The following ZDHHC1 variants were observed in gnomAD, a reference collection of about 807,000 sequenced individuals.
ZDHHC1 encodes the protein zDHHC palmitoyltransferase 1, also known as palmitoyltransferase ZDHHC1.
ZDHHC1 carries 45 observed loss-of-function variants against 46.9 expected under a neutral mutation model. The observed-to-expected ratio is 0.96, with a 90% CI of 0.76 to 1.23. The LOEUF is 1.23. Among genes scored for constraint, ZDHHC1 ranks in the 50% most tolerant of loss-of-function variants. ZDHHC1 has a pLI of 0.00. For missense variants in ZDHHC1, 649 were observed against 670.8 expected (o/e 0.97, Z 0.36); for synonymous variants, 291 against 286.0 (o/e 1.02, Z -0.18).
intron 2 of ZDHHC1, among the ~76,000 whole-genome samples, chr16:67,407,130 G>A (rs1229543332): frequency 6.6e-6 from 1 of 152,238 alleles, no homozygotes; most frequent in East Asian, 1.9e-4. Flanking sequence ...GTTTTGTACA[G>A]AAAGGTGGGC....
chr16:67,398,974 C>G, intron 5 of ZDHHC1, 30 bp from the exon 6 acceptor site: 1 of 1,606,202 alleles, frequency 6.2e-7, no homozygotes, highest in Non-Finnish European at 8.5e-7. Context: ...GCTGTCAGCT[C>G]CCCGGAGCTC....
At chr16:67,413,196 T>C (rs955072906) in intron 1 of ZDHHC1, among the ~76,000 whole-genome samples, 1 of 152,050 alleles carries the variant, frequency 6.6e-6, no homozygotes, top group African/African-American at 2.4e-5. Flanking sequence ...CCTCCCACCT[T>C]GGCCTCCCAA....
chr16:67,399,213 TG>T, intron 5 of ZDHHC1, 141 bp downstream of exon 5: 1 of 838,034 alleles, frequency 1.2e-6, no homozygotes, highest in Non-Finnish European at 1.8e-6. Context: ...TCACTCTCTC[TG>T]GGCAGCACCC....
At chr16:67,397,356 TG>T (rs1312889569) in intron 8 of ZDHHC1, among the ~76,000 whole-genome samples, 1 of 152,186 alleles carries the variant, frequency 6.6e-6, no homozygotes, top group Non-Finnish European at 1.5e-5. Context: ...AGCCCAGCAC[TG>T]GGGCAGGTAT....
rs2040558513 is a variant in ZDHHC1 at position 67,401,840 on chromosome 16, AT to A, written c.253-709del. On this transcript the variant is annotated intron_variant, in intron 3 of 11. Transcript: ENST00000565726. The surrounding 1 kb of genome is among the most constrained non-coding windows in gnomAD (Gnocchi z 4.6). Reference sequence around the variant, plus strand: ...AATGCAGGAGACAAGTTTGCTGACAATTTGCTACAAAGTCTGATGTTTAAAA... The same window carrying A: ...AATGCAGGAGACAAGTTTGCTGACAATTGCTACAAAGTCTGATGTTTAAAA... Among the ~76,000 whole-genome samples the A allele has an allele frequency of 6.6e-6, 1 of 152,174 alleles. No individual in the cohort carries two copies. Among genetic ancestry groups the A allele is most frequent in the South Asian group, 2.1e-4 (1 of 4,830 alleles).
rs1014492378 is a variant in ZDHHC1 at position 67,398,838 on chromosome 16, T to C, written c.637A>G (p.Thr213Ala). Residue 213 changes from threonine to alanine, a missense_variant, in exon 6 of 12, where the codon ACC (threonine) becomes GCC (alanine). Physicochemically the swap from Thr to Ala is moderately conservative, Grantham distance 58. Coordinates refer to ENST00000565726, the MANE Select transcript of ZDHHC1 (RefSeq NM_001323627.2). ...AACTGACCTTCAAAGTGTCGGTTGG[T>C]GCGCAGACGCATGGGGTTGACAAAG... ...EFFVNPMRLRTNRHFEVLKNH... is the reference protein window; with the variant it reads ...EFFVNPMRLRANRHFEVLKNH... 6.2e-7 allele frequency: 1 copy of C among 1,612,770 alleles called. No individual in the cohort carries two copies. Among genetic ancestry groups the C allele is most frequent in the African/African-American group, 1.3e-5 (1 of 75,030 alleles).
At position 67,414,179 on chromosome 16, in the gene ZDHHC1, C is replaced by G. The variant is rs146324318; in HGVS notation, c.-39+1992G>C. The stretch of plus-strand genomic sequence containing the variant: ...AGGTTATTGACTTTAACCAGGAAAT[C>G]AACTCATGACTGCAGGAGCCAGCCT... On this transcript the variant is annotated intron_variant, in intron 1 of 11. Transcript: ENST00000565726. 8.5e-5 allele frequency among the ~76,000 whole-genome samples: 13 copies of G among 152,256 alleles called. No individual in the cohort carries two copies. The East Asian group carries it at 2.5e-3, about 29-fold the overall frequency.
At position 67,398,681 on chromosome 16, in the gene ZDHHC1, CG is replaced by C; in HGVS notation, c.705del (p.Val236TrpfsTer99). ...DVWFVFLPAA[P>X]VETQAPAILA... The stretch of plus-strand genomic sequence containing the variant: ...AGGATGGCAGGGGCCTGGGTCTCCA[CG>C]GGGGCGGCAGGCAGGAACACGAACC... On this transcript the variant is annotated frameshift_variant, in exon 7 of 12. Coordinates refer to ENST00000565726, the MANE Select transcript of ZDHHC1 (RefSeq NM_001323627.2). LOFTEE classifies it high-confidence loss of function. 4 of 1,607,824 alleles carry C rather than the reference CG, an allele frequency of 2.5e-6. No homozygotes were observed. Among genetic ancestry groups the C allele is most frequent in the Non-Finnish European group, 3.4e-6 (4 of 1,177,980 alleles).
At chr16:67,413,660 T>C (rs911431289) in intron 1 of ZDHHC1, among the ~76,000 whole-genome samples, 5 of 152,148 alleles carry the variant, frequency 3.3e-5, no homozygotes, top group Admixed American at 2.0e-4. Context: ...CTGATGCTGG[T>C]TGGACCCAGT....
intron 8 of ZDHHC1, among the ~76,000 whole-genome samples, chr16:67,397,144 C>T (rs1345817560): frequency 2.6e-5 from 4 of 152,226 alleles, no homozygotes; most frequent in Non-Finnish European, 5.9e-5. Context: ...TGCAGATGGA[C>T]AGAACAGAAA....
At chr16:67,409,405 G>A (rs1304774920) in intron 1 of ZDHHC1, among the ~76,000 whole-genome samples, 1 of 152,180 alleles carries the variant, frequency 6.6e-6, no homozygotes, top group Non-Finnish European at 1.5e-5. Context: ...CCCAGGAAGG[G>A]AGCACTTGTC....
chr16:67,399,238 G>A (rs767820803), intron 5 of ZDHHC1, 117 bp downstream of exon 5: 2 of 970,830 alleles, frequency 2.1e-6, no homozygotes, highest in Non-Finnish European at 3.1e-6. Context: ...CATAAAACGG[G>A]CACAGGTCCT....
At chr16:67,407,318 A>G (rs2040679212) in intron 2 of ZDHHC1, among the ~76,000 whole-genome samples, 1 of 152,226 alleles carries the variant, frequency 6.6e-6, no homozygotes, top group Non-Finnish European at 1.5e-5. Context: ...ACAACAGCTC[A>G]GGCAGGCAGC....
chr16:67,400,414 C>T (rs1336308237), intron 4 of ZDHHC1, among the ~76,000 whole-genome samples: 1 of 152,226 alleles, frequency 6.6e-6, no homozygotes, highest in Non-Finnish European at 1.5e-5. Context: ...GGGACCTGAG[C>T]AAGCCAAATG....
intron 3 of ZDHHC1, among the ~76,000 whole-genome samples, chr16:67,405,438 C>T (rs140025452): frequency 3.6e-4 from 55 of 152,274 alleles, no homozygotes; most frequent in Middle Eastern, 3.4e-3. Flanking sequence ...ACCCTTAGAC[C>T]GCCCTCACCT....
At chr16:67,408,908 A>G (rs1440810698) in intron 1 of ZDHHC1, among the ~76,000 whole-genome samples, 1 of 152,190 alleles carries the variant, frequency 6.6e-6, no homozygotes, top group Admixed American at 6.5e-5. Flanking sequence ...TCTGGGGCCA[A>G]TCTCTGTGGC....
intron 1 of ZDHHC1, among the ~76,000 whole-genome samples, chr16:67,415,234 G>A (rs2040814359): frequency 6.6e-6 from 1 of 152,140 alleles, no homozygotes; most frequent in Non-Finnish European, 1.5e-5. Flanking sequence ...GAGGCAAGAG[G>A]ATCCCTTGAG....
chr16:67,398,245 G>A lies in ZDHHC1; in HGVS notation c.894C>T (p.Leu298=), dbSNP rs772142920. 6.8e-6 allele frequency: 11 copies of A among 1,613,904 alleles called. No homozygotes were observed. Among genetic ancestry groups the A allele is most frequent in the African/African-American group, 5.3e-5 (4 of 74,878 alleles). ...PQEAKGVHRE[L]ESCPPKMRPI... ...GCCGCATCTTGGGAGGACATGACTC[G>A]AGCTCCCTGTGAACCCCCTTGGCCT... Residue 298 remains leucine (L), a synonymous_variant, in exon 8 of 12, where the codon CTC becomes CTT. Coordinates refer to ENST00000565726, the MANE Select transcript of ZDHHC1 (RefSeq NM_001323627.2).
intron 8 of ZDHHC1, among the ~76,000 whole-genome samples, chr16:67,396,846 G>T (rs954907425): frequency 6.6e-6 from 1 of 152,230 alleles, no homozygotes; most frequent in African/African-American, 2.4e-5. Context: ...GCTCCAGAGG[G>T]GGGAGCAGAG....
Sources: allele counts gnomAD v4.1 joint callset (sites outside exome capture counted in the v4.1 genomes callset), GRCh38; gene constraint gnomAD v4.1.1; non-coding constraint Gnocchi (gnomAD v3.1); transcripts MANE v1.5; gene names NCBI Gene and HGNC (gene_info 2026-07-23, HGNC 2026-07-21).